Variants in ZNF503 observed in about 807,000 individuals in gnomAD.
The protein encoded by ZNF503 is NocA-like zinc finger 2.
Under a neutral mutation model 34.4 loss-of-function variants are expected in ZNF503, and 15 were observed. The ratio of observed to expected loss-of-function variants is 0.44; its 90% CI spans 0.29 to 0.67. The LOEUF (loss-of-function observed/expected upper bound fraction) is 0.67. ZNF503 is among the 30% of genes least tolerant of loss of function. ZNF503 has a pLI of 0.13. For missense variants in ZNF503, 1,007 were observed against 926.8 expected, an observed-to-expected ratio of 1.09 and a Z score of -1.12; for synonymous variants, 580 against 456.8, an observed-to-expected ratio of 1.27 and a Z score of -3.44.
chr10:75,357,365 A>G, the ZNF503 span, among the ~76,000 whole-genome samples: 2 of 151,916 alleles, frequency 1.3e-5, no homozygotes, highest in Non-Finnish European at 2.9e-5. Flanking sequence ...AAAAAAAAAA[A>G]AAATTAGCTG....
chr10:75,373,858 C>G, the ZNF503 span, among the ~76,000 whole-genome samples: 2 of 152,208 alleles, frequency 1.3e-5, no homozygotes, highest in African/African-American at 2.4e-5. Context: ...CCATCTCCAG[C>G]TCCTTACCTC....
the ZNF503 span, among the ~76,000 whole-genome samples, chr10:75,282,629 C>T: frequency 1.3e-4 from 20 of 152,196 alleles, 1 homozygote; most frequent in African/African-American, 4.6e-4. Context: ...GGGAAGGAAG[C>T]TTCCATTTTC....
the ZNF503 span, among the ~76,000 whole-genome samples, chr10:75,340,644 G>C: frequency 6.6e-6 from 1 of 151,920 alleles, no homozygotes; most frequent in Non-Finnish European, 1.5e-5. Flanking sequence ...TGTTGCCCAG[G>C]CTGGAGTGCA....
the ZNF503 span, among the ~76,000 whole-genome samples, chr10:75,320,712 A>G: frequency 3.3e-5 from 5 of 152,252 alleles, no homozygotes; most frequent in East Asian, 5.8e-4. Context: ...ATAATTATAT[A>G]CCACAATCAC....
the ZNF503 span, among the ~76,000 whole-genome samples, chr10:75,374,670 T>C: frequency 6.6e-6 from 1 of 152,236 alleles, no homozygotes; most frequent in Admixed American, 6.5e-5. Flanking sequence ...GTGGTTTCTT[T>C]ATTCACTGCT....
chr10:75,369,217 CTT>C, the ZNF503 span, among the ~76,000 whole-genome samples: 1 of 152,162 alleles, frequency 6.6e-6, no homozygotes, highest in Admixed American at 6.5e-5. Flanking sequence ...AAGTGTTTAA[CTT>C]TGAGCGAGAA....
the ZNF503 span, among the ~76,000 whole-genome samples, chr10:75,285,258 C>T: frequency 9.9e-5 from 15 of 152,228 alleles, no homozygotes; most frequent in Non-Finnish European, 1.9e-4. Context: ...GGTTAAGTTA[C>T]ATGTCCAAAG....
At chr10:75,367,657 T>G in the ZNF503 span, among the ~76,000 whole-genome samples, 55 of 152,334 alleles carry the variant, frequency 3.6e-4, no homozygotes, top group African/African-American at 1.3e-3. Flanking sequence ...CTTGGAAGTT[T>G]GTGCAGCGAT....
rs1429677828 is a variant in ZNF503, at chr10:75,401,345, G to T, written c.75C>A (p.Gly25=). The T allele has an allele frequency of 6.7e-7, 1 of 1,483,660 alleles. No individual in the cohort carries two copies. The allele number at this position is 1,483,660 out of a possible 1,614,324, so 91.9% of individuals were successfully genotyped here. The change falls in exon 1 of 2, where the codon GGC becomes GGA. Residue 25 remains glycine, a synonymous_variant. Transcript: ENST00000372524. The part of the protein sequence containing the change: ...HSGGGGGGGG[G]GGADPAWTSA... The stretch of plus-strand genomic sequence containing the variant: ...TGGTCCAGGCAGGGTCTGCACCGCC[G>T]CCTCCGCCTCCGCCGCCGCCGCCGC...
chr10:75,295,163 G>A, the ZNF503 span, among the ~76,000 whole-genome samples: 1 of 151,808 alleles, frequency 6.6e-6, no homozygotes, highest in Middle Eastern at 3.2e-3. This position sits in a 1 kb window ranked among gnomAD's most constrained non-coding sequence, Gnocchi z 4.0. Flanking sequence ...CGCCGGGCCC[G>A]CGACTCCGAC....
Position 75,401,243 on chromosome 10 carries a change from G to C in ZNF503, c.177C>G (p.Ala59=). ...PAGSTKPFVH[A]VPPSDPLRQA... ...GGCGCAGGGGGTCAGAGGGGGGCACGGCGTGCACAAAAGGCTTGGTGCTGC... is the reference window on the plus strand; with the variant it reads ...GGCGCAGGGGGTCAGAGGGGGGCACCGCGTGCACAAAAGGCTTGGTGCTGC... The change falls in exon 1 of 2, where the codon GCC becomes GCG. Residue 59 remains alanine (A), a synonymous_variant. Transcript: ENST00000372524. The C allele has an allele frequency of 6.2e-7, 1 of 1,607,452 alleles. No individual in the cohort carries two copies. The highest frequency in any genetic ancestry group is 8.5e-7 in the Non-Finnish European group (1 of 1,177,072).
downstream of ZNF503, among the ~76,000 whole-genome samples, chr10:75,396,986 A>T (rs1007664596): frequency 1.3e-5 from 2 of 152,204 alleles, no homozygotes; most frequent in Non-Finnish European, 2.9e-5. This position sits in a 1 kb window ranked among gnomAD's most constrained non-coding sequence, Gnocchi z 4.4. Flanking sequence ...GCGCTTCTGC[A>T]GAGCGGAGCC....
chr10:75,347,624 C>T, the ZNF503 span, among the ~76,000 whole-genome samples: 2 of 152,242 alleles, frequency 1.3e-5, no homozygotes, highest in African/African-American at 2.4e-5. Flanking sequence ...CCCCAGCCTT[C>T]TCTCCCTCGG....
chr10:75,304,892 G>A, the ZNF503 span, among the ~76,000 whole-genome samples: 1 of 152,212 alleles, frequency 6.6e-6, no homozygotes, highest in African/African-American at 2.4e-5. Flanking sequence ...ACTCACAGAT[G>A]ACTCATTAAA....
chr10:75,307,269 A>G, the ZNF503 span, among the ~76,000 whole-genome samples: 8 of 152,226 alleles, frequency 5.3e-5, no homozygotes, highest in Admixed American at 3.3e-4. Flanking sequence ...AGAAAGTGAA[A>G]CAGCCTTATT....
In ZNF503 at chr10:75,400,073, G is replaced by T; in HGVS notation, c.617C>A (p.Ser206Ter). The T allele has an allele frequency of 6.4e-7, 1 of 1,559,510 alleles. No homozygotes were observed. The change falls in exon 2 of 2, where the codon TCG (serine) becomes TAG (stop). Residue 206 changes from serine (S) to a stop codon, truncating the protein, a stop_gained. Coordinates refer to ENST00000372524, the MANE Select transcript of ZNF503 (RefSeq NM_032772.6). LOFTEE classifies it high-confidence loss of function. ...GGGGGGGGGV[S>*]SEKSGFRVPS... ...TACCCGGAATCCCGACTTCTCCGAC[G>T]AAACACCCCCGCCGCCGCCCCCGCC...
chr10:75,295,054 G>A, the ZNF503 span, among the ~76,000 whole-genome samples: 58 of 152,172 alleles, frequency 3.8e-4, no homozygotes, highest in African/African-American at 1.3e-3. This position sits in a 1 kb window ranked among gnomAD's most constrained non-coding sequence, Gnocchi z 4.0. Context: ...CTTCAGCCCC[G>A]CGCCAGGGAT....
the ZNF503 span, among the ~76,000 whole-genome samples, chr10:75,329,371 C>CT: frequency 7.2e-6 from 1 of 139,830 alleles, no homozygotes; most frequent in Non-Finnish European, 1.5e-5. Context: ...CATAAAACAG[C>CT]TTCTTTCTTT....
downstream of ZNF503, among the ~76,000 whole-genome samples, chr10:75,394,801 T>C (rs1843678764): frequency 6.6e-6 from 1 of 152,218 alleles, no homozygotes; most frequent in Non-Finnish European, 1.5e-5. Flanking sequence ...TTTGTGTTAG[T>C]TGTGCTTACT....
Sources: gnomAD v4.1 joint callset for allele counts (sites outside exome capture counted in the v4.1 genomes callset) on GRCh38, gnomAD v4.1.1 for gene constraint, Gnocchi (gnomAD v3.1) non-coding constraint, MANE v1.5 for transcripts, NCBI Gene and HGNC (gene_info 2026-07-23, HGNC 2026-07-21) for gene names.